The following TMEM120B variants were observed in gnomAD, a reference collection of about 807,000 sequenced individuals.
The protein encoded by TMEM120B is transmembrane protein 120B.
TMEM120B carries 31 observed loss-of-function variants against 55.5 expected under a neutral mutation model. That is an observed-to-expected ratio of 0.56 (90% CI 0.42 to 0.75). The LOEUF (loss-of-function observed/expected upper bound fraction) is 0.75, where lower values mean the gene tolerates loss of function less well. Ranked by LOEUF, TMEM120B falls within the 30% of genes least tolerant of loss-of-function variation. The probability of loss-of-function intolerance (pLI) is 0.00; values close to 1 mark genes in which losing one functional copy is unlikely to be tolerated. For synonymous variants in TMEM120B, 203 were observed against 176.3 expected (o/e 1.15, Z -1.20); for missense variants, 399 against 425.5 (o/e 0.94, Z 0.55).
chr12:121,762,028 C>T (rs1873694809), intron 6 of TMEM120B, among the ~76,000 whole-genome samples: 1 of 152,130 alleles, frequency 6.6e-6, no homozygotes, highest in South Asian at 2.1e-4. Flanking sequence ...CACGGTGGCT[C>T]ACGCCTGTAA....
At chr12:121,757,498 C>T (rs1364045573) in intron 5 of TMEM120B, among the ~76,000 whole-genome samples, 5 of 145,958 alleles carry the variant, frequency 3.4e-5, no homozygotes, top group African/African-American at 7.7e-5. Context: ...CTTACCACTG[C>T]GCCCGGCTAA....
chr12:121,753,653 T>G (rs1665506926), intron 5 of TMEM120B, among the ~76,000 whole-genome samples: 1 of 151,940 alleles, frequency 6.6e-6, no homozygotes, highest in South Asian at 2.1e-4. Context: ...CACTAAATTA[T>G]ATACTTTAAA....
chr12:121,724,433 C>A (rs1894852150), intron 1 of TMEM120B, among the ~76,000 whole-genome samples: 4 of 152,088 alleles, frequency 2.6e-5, no homozygotes, highest in Non-Finnish European at 4.4e-5. Context: ...CCGCCTTGGC[C>A]TCCCAAAGTG....
Position 121,729,645 on chromosome 12 carries a change from A to G in TMEM120B, c.70-13984A>G, listed in dbSNP as rs1348382780. 2.6e-5 allele frequency among the ~76,000 whole-genome samples: 4 copies of G among 151,774 alleles called. No individual in the cohort carries two copies. The East Asian group carries it at 7.7e-4, about 29-fold the overall frequency. ...ACATAGACCATCTCTACAAGAAAAAAAAAAAAAAGCTGACAGGGTGGCACA... is the reference window on the plus strand; with the variant it reads ...ACATAGACCATCTCTACAAGAAAAAGAAAAAAAAGCTGACAGGGTGGCACA... On this transcript the variant is annotated intron_variant, in intron 1 of 11. Coordinates refer to ENST00000449592, the MANE Select transcript of TMEM120B (RefSeq NM_001080825.2).
At chr12:121,728,254 C>T (rs1053954711) in intron 1 of TMEM120B, among the ~76,000 whole-genome samples, 3 of 151,766 alleles carry the variant, frequency 2.0e-5, no homozygotes, top group African/African-American at 7.3e-5. Context: ...CTTTGGGAGG[C>T]AGAGGTGGGC....
chr12:121,713,115 C>T, intron 1 of TMEM120B, 151 bp downstream of exon 1: 3 of 566,396 alleles, frequency 5.3e-6, no homozygotes, highest in Middle Eastern at 8.4e-4. Context: ...ATGGACCAGC[C>T]CCCTCCCATC....
intron 1 of TMEM120B, among the ~76,000 whole-genome samples, chr12:121,725,600 C>G (rs1894876143): frequency 6.6e-6 from 1 of 152,126 alleles, no homozygotes; most frequent in Non-Finnish European, 1.5e-5. Context: ...ACTGGTGTAT[C>G]TGGGCCACAT....
chr12:121,751,624 C>G (rs2137210509), intron 4 of TMEM120B, among the ~76,000 whole-genome samples: 1 of 151,856 alleles, frequency 6.6e-6, no homozygotes, highest in Non-Finnish European at 1.5e-5. Flanking sequence ...GGGTTGGTTC[C>G]TTGGTTCCTT....
intron 1 of TMEM120B, among the ~76,000 whole-genome samples, chr12:121,733,049 A>G (rs1895033273): frequency 6.6e-6 from 1 of 151,976 alleles, no homozygotes; most frequent in South Asian, 2.1e-4. Flanking sequence ...TCTTCCCCAG[A>G]GAAATCTTCT....
chr12:121,741,040 G>A (rs190592276), intron 1 of TMEM120B, among the ~76,000 whole-genome samples: 4 of 152,154 alleles, frequency 2.6e-5, no homozygotes, highest in Admixed American at 2.6e-4. Flanking sequence ...ATACTGCAAT[G>A]CCAATTTATA....
At chr12:121,771,629 C>A in intron 8 of TMEM120B, 80 bp downstream of exon 8, 2 of 1,382,696 alleles carry the variant, frequency 1.4e-6, no homozygotes, top group Non-Finnish European at 2.1e-6. Flanking sequence ...CAGCTGACAT[C>A]AATCAGTGCT....
chr12:121,778,378 G>A lies in TMEM120B; in HGVS notation c.*2656G>A, dbSNP rs2137454011. On this transcript the variant is annotated 3_prime_UTR_variant, in exon 12 of 12. Transcript: ENST00000449592. Reference sequence around the variant, plus strand: ...AGGCAAGAGAATCGCTTGAACCCAGGAGGTGGAGCTTGCAGTGAGCCAAGA... The same window carrying A: ...AGGCAAGAGAATCGCTTGAACCCAGAAGGTGGAGCTTGCAGTGAGCCAAGA... 6.6e-6 allele frequency: 1 copy of A among 151,528 alleles called. No homozygotes were observed. The highest frequency in any genetic ancestry group is 1.5e-5 in the Non-Finnish European group (1 of 68,002). 9.4% of individuals were successfully genotyped at this position (151,528 alleles called of 1,614,324 possible). A position where few individuals can be genotyped will look rare whatever the true frequency, so the allele number is the denominator to read the frequency against.
chr12:121,750,484 CCCCACACCCACA>C (rs201584920), intron 4 of TMEM120B, 45 bp downstream of exon 4: 3 of 1,517,002 alleles, frequency 2.0e-6, no homozygotes, highest in East Asian at 4.5e-5. Flanking sequence ...CTCACACCGC[CCCCACACCCACA>C]CCCACACCCC....
At position 121,775,507 on chromosome 12, in the gene TMEM120B, T is replaced by C; in HGVS notation, c.907-102T>C. ...CCTTCGATGGCAAAACCCTGCAGTT[T>C]GGGAGTTTGGGGGCAGCTGTGCTGG... On this transcript the variant is annotated intron_variant, in intron 11 of 11. Coordinates refer to ENST00000449592, the MANE Select transcript of TMEM120B (RefSeq NM_001080825.2). This position sits in a 1 kb window ranked among gnomAD's most constrained non-coding sequence, Gnocchi z 4.3. 1.3e-6 allele frequency: 2 copies of C among 1,491,916 alleles called. No homozygotes were observed. The highest frequency in any genetic ancestry group is 2.7e-5 in the South Asian group (2 of 74,086). 92.4% of individuals were successfully genotyped at this position (1,491,916 alleles called of 1,614,324 possible).
chr12:121,733,033 T>C (rs1895033036), intron 1 of TMEM120B, among the ~76,000 whole-genome samples: 1 of 152,032 alleles, frequency 6.6e-6, no homozygotes, highest in Non-Finnish European at 1.5e-5. Flanking sequence ...CCTGCAATTT[T>C]ACCTCTCTTC....
chr12:121,753,067 C>A (rs1032180274), intron 5 of TMEM120B, among the ~76,000 whole-genome samples: 7 of 152,108 alleles, frequency 4.6e-5, no homozygotes, highest in African/African-American at 1.7e-4. Flanking sequence ...ATGATCACAC[C>A]ACTGCACTTT....
In TMEM120B at chr12:121,761,539, C is replaced by T. The variant is rs572947167; in HGVS notation, c.462-110C>T. 4.8e-4 allele frequency: 354 copies of T among 745,138 alleles called. 1 individual carries two copies. The highest frequency in any genetic ancestry group is 5.3e-4 in the South Asian group (33 of 61,688). The allele number at this position is 745,138 out of a possible 1,614,324, so 46.2% of individuals were successfully genotyped here. On this transcript the variant is annotated intron_variant, in intron 5 of 11. Coordinates refer to ENST00000449592, the MANE Select transcript of TMEM120B (RefSeq NM_001080825.2). ...GTCATAAGGGCTTCCAGAGGCAGCG[C>T]GTGCTGTGGGCAGCCCTCAGCCTGG...
chr12:121,764,654 A>G (rs1426623149), intron 6 of TMEM120B, among the ~76,000 whole-genome samples: 1 of 145,570 alleles, frequency 6.9e-6, no homozygotes, highest in Non-Finnish European at 1.5e-5. Flanking sequence ...ACCCTGACTC[A>G]AAAAAAAAAA....
chr12:121,754,637 G>A (rs953272820), intron 5 of TMEM120B, among the ~76,000 whole-genome samples: 2 of 152,142 alleles, frequency 1.3e-5, no homozygotes, highest in South Asian at 2.1e-4. Context: ...CTGTCACCAC[G>A]CCACACGGCC....
Sources: gnomAD v4.1 joint callset for allele counts (sites outside exome capture counted in the v4.1 genomes callset) on GRCh38, gnomAD v4.1.1 for gene constraint, Gnocchi (gnomAD v3.1) non-coding constraint, MANE v1.5 for transcripts, NCBI Gene and HGNC (gene_info 2026-07-23, HGNC 2026-07-21) for gene names.